Variants in TRAPPC9 observed in about 807,000 individuals in gnomAD.
The protein encoded by TRAPPC9 is IKK2 binding protein.
TRAPPC9 carries 83 observed loss-of-function variants against 124.0 expected under a neutral mutation model. That is an observed-to-expected ratio of 0.67 (90% CI 0.56 to 0.80). The LOEUF (loss-of-function observed/expected upper bound fraction) is 0.80, where lower values mean the gene tolerates loss of function less well. TRAPPC9 is among the 30% of genes least tolerant of loss of function. The pLI is 0.00. For missense variants in TRAPPC9, 1,302 were observed against 1,508.3 expected (o/e 0.86, Z 2.27); for synonymous variants, 638 against 617.5 (o/e 1.03, Z -0.49).
At chr8:140,391,451 G>A (rs1035963693) in intron 7 of TRAPPC9, among the ~76,000 whole-genome samples, 7 of 152,204 alleles carry the variant, frequency 4.6e-5, no homozygotes, top group South Asian at 2.1e-4. Context: ...AGTGGCTCAC[G>A]CCTGTAATCC....
chr8:139,814,252 C>T (rs1331656874), intron 21 of TRAPPC9, among the ~76,000 whole-genome samples: 1 of 152,226 alleles, frequency 6.6e-6, no homozygotes, highest in African/African-American at 2.4e-5. Context: ...GGCGGCAGAA[C>T]AGAGATGAAG....
At chr8:139,767,796 A>G (rs1178641899) in intron 21 of TRAPPC9, among the ~76,000 whole-genome samples, 6 of 152,254 alleles carry the variant, frequency 3.9e-5, no homozygotes, top group Non-Finnish European at 8.8e-5. Flanking sequence ...ACTGTAGCAC[A>G]ATTCTTTTTG....
intron 8 of TRAPPC9, among the ~76,000 whole-genome samples, chr8:140,361,509 T>C (rs2067953529): frequency 6.6e-6 from 1 of 152,236 alleles, no homozygotes; most frequent in Non-Finnish European, 1.5e-5. Context: ...TTCAGTGCAA[T>C]AACCCATTTA....
chr8:140,328,898 G>A (rs1037901977), intron 9 of TRAPPC9, among the ~76,000 whole-genome samples: 1 of 152,130 alleles, frequency 6.6e-6, no homozygotes, highest in East Asian at 1.9e-4. Context: ...TGAGGGTGAC[G>A]GCTTTGGGGA....
rs147962272 is a variant in TRAPPC9, at chr8:139,965,463, A to G, written c.2810+23263T>C. ...CACGTCCTCCTCAGGGGAGTCCATC[A>G]GAGCTGCAGAACTGGGGCTGACAAG... On this transcript the variant is annotated intron_variant, in intron 19 of 22. Coordinates refer to ENST00000438773, the MANE Select transcript of TRAPPC9 (RefSeq NM_001160372.4). 2.1e-3 allele frequency among the ~76,000 whole-genome samples: 316 copies of G among 152,336 alleles called. 1 individual carries two copies. Among genetic ancestry groups the G allele is most frequent in the African/African-American group, 7.3e-3 (304 of 41,580 alleles).
chr8:139,858,339 A>G (rs1356670024), intron 21 of TRAPPC9, among the ~76,000 whole-genome samples: 2 of 152,174 alleles, frequency 1.3e-5, no homozygotes, highest in African/African-American at 4.8e-5. Context: ...AGGGTTGTGC[A>G]TCTTTGCGTG....
chr8:139,995,738 G>A (rs139603110), intron 18 of TRAPPC9, among the ~76,000 whole-genome samples: 123 of 151,812 alleles, frequency 8.1e-4, no homozygotes, highest in African/African-American at 2.7e-3. Flanking sequence ...AGCAAACCAC[G>A]GGCTTTGATA....
At chr8:140,298,390 C>T (rs2065871751) in intron 11 of TRAPPC9, among the ~76,000 whole-genome samples, 1 of 152,198 alleles carries the variant, frequency 6.6e-6, no homozygotes, top group Non-Finnish European at 1.5e-5. Flanking sequence ...CAGAGGTCCC[C>T]ACCTGTAACC....
intron 21 of TRAPPC9, among the ~76,000 whole-genome samples, chr8:139,871,369 G>A (rs1181013131): frequency 2.0e-5 from 3 of 152,160 alleles, no homozygotes. Context: ...TCCTTAGCTT[G>A]TTTTCAGAAC....
At chr8:139,892,203 G>C (rs1830396852) in intron 20 of TRAPPC9, among the ~76,000 whole-genome samples, 1 of 152,240 alleles carries the variant, frequency 6.6e-6, no homozygotes, top group Non-Finnish European at 1.5e-5. Flanking sequence ...CTCCTGCACT[G>C]CTGTGCTGCT....
chr8:140,023,138 C>T (rs1360979191), intron 18 of TRAPPC9, among the ~76,000 whole-genome samples: 1 of 151,992 alleles, frequency 6.6e-6, no homozygotes, highest in Non-Finnish European at 1.5e-5. Context: ...TAGCCGGACA[C>T]GAACACCAGG....
At chr8:139,739,550 G>A (rs1282937037) in intron 21 of TRAPPC9, among the ~76,000 whole-genome samples, 1 of 152,138 alleles carries the variant, frequency 6.6e-6, no homozygotes, top group Non-Finnish European at 1.5e-5. Flanking sequence ...TGTCCCTCCA[G>A]CACATCCTTC....
chr8:140,185,770 G>T (rs1563828052), intron 17 of TRAPPC9, among the ~76,000 whole-genome samples: 1 of 152,224 alleles, frequency 6.6e-6, no homozygotes, highest in Non-Finnish European at 1.5e-5. Flanking sequence ...TTATTTCGCA[G>T]CTGATGGGGA....
chr8:140,256,947 A>G (rs900187428), intron 15 of TRAPPC9, among the ~76,000 whole-genome samples: 1 of 152,186 alleles, frequency 6.6e-6, no homozygotes, highest in Non-Finnish European at 1.5e-5. Flanking sequence ...ACCACCACCA[A>G]TGATGGGGGC....
chr8:139,833,171 T>G (rs1271458953), intron 21 of TRAPPC9, among the ~76,000 whole-genome samples: 1 of 152,140 alleles, frequency 6.6e-6, no homozygotes, highest in Non-Finnish European at 1.5e-5. Context: ...AGCTTAGAAG[T>G]AGATTTTTCT....
intron 17 of TRAPPC9, among the ~76,000 whole-genome samples, chr8:140,193,594 A>G (rs1274722080): frequency 6.7e-6 from 1 of 149,824 alleles, no homozygotes; most frequent in Non-Finnish European, 1.5e-5. Context: ...AAAGTTCCAT[A>G]AGGGCAGAAG....
chr8:140,345,633 A>G (rs942400725), intron 9 of TRAPPC9, among the ~76,000 whole-genome samples: 1 of 152,186 alleles, frequency 6.6e-6, no homozygotes, highest in African/African-American at 2.4e-5. Context: ...TTCCGACTAA[A>G]TGCTGGCGAC....
chr8:140,177,584 G>A (rs553579959), intron 17 of TRAPPC9, among the ~76,000 whole-genome samples: 4 of 151,756 alleles, frequency 2.6e-5, no homozygotes, highest in Admixed American at 6.6e-5. Flanking sequence ...TCCTACATAC[G>A]TCATACAAAC....
intron 17 of TRAPPC9, among the ~76,000 whole-genome samples, chr8:140,181,865 T>C (rs1275856021): frequency 6.6e-6 from 1 of 152,186 alleles, no homozygotes; most frequent in Non-Finnish European, 1.5e-5. Flanking sequence ...CATGTCTCTG[T>C]GGCCAGAGAA....
Sources: allele counts gnomAD v4.1 joint callset (sites outside exome capture counted in the v4.1 genomes callset), GRCh38; gene constraint gnomAD v4.1.1; transcripts MANE v1.5; gene names NCBI Gene and HGNC (gene_info 2026-07-23, HGNC 2026-07-21).